Variants in ATP9A observed in about 807,000 individuals in gnomAD.
ATP9A encodes the protein probable phospholipid-transporting ATPase IIA.
In ATP9A, 52 loss-of-function variants were observed where a neutral mutation model predicts 144.1. The ratio of observed to expected loss-of-function variants is 0.36; its 90% confidence interval spans 0.29 to 0.45. The LOEUF is 0.45. ATP9A is among the 20% of genes least tolerant of loss of function. The pLI is 1.00. For missense variants in ATP9A, 947 were observed against 1,392.7 expected, an observed-to-expected ratio of 0.68 and a Z score of 5.09; for synonymous variants, 582 against 557.4, an observed-to-expected ratio of 1.04 and a Z score of -0.62.
intron 4 of ATP9A, among the ~76,000 whole-genome samples, chr20:51,712,304 G>A (rs2077642993): frequency 6.6e-6 from 1 of 152,056 alleles, no homozygotes; most frequent in South Asian, 2.1e-4. Context: ...TCGATCTCCG[G>A]ACCTTGTGAT....
chr20:51,729,774 T>C (rs1298665864), intron 2 of ATP9A, 60 bp downstream of exon 2: 5 of 1,485,022 alleles, frequency 3.4e-6, no homozygotes, highest in Middle Eastern at 1.8e-4. Context: ...ATAACATCTG[T>C]ACCAATGCAT....
chr20:51,650,693 G>C (rs1352461207), intron 14 of ATP9A, among the ~76,000 whole-genome samples: 3 of 152,124 alleles, frequency 2.0e-5, no homozygotes, highest in Non-Finnish European at 4.4e-5. Context: ...CAGGGAAGGA[G>C]AGCAACAGGC....
chr20:51,764,955 G>A (rs781436414), intron 1 of ATP9A, among the ~76,000 whole-genome samples: 1 of 151,978 alleles, frequency 6.6e-6, no homozygotes, highest in African/African-American at 2.4e-5. Context: ...TCCTGACCTC[G>A]AGTGATCCGC....
At chr20:51,765,716 G>T (rs2077901046) in intron 1 of ATP9A, among the ~76,000 whole-genome samples, 1 of 151,066 alleles carries the variant, frequency 6.6e-6, no homozygotes, top group Non-Finnish European at 1.5e-5. Flanking sequence ...AGCACTTTCG[G>T]AGGCCAAGGC....
intron 27 of ATP9A, among the ~76,000 whole-genome samples, chr20:51,602,213 C>T (rs1295435205): frequency 1.3e-5 from 2 of 152,086 alleles, no homozygotes; most frequent in Non-Finnish European, 2.9e-5. Context: ...ATTATAAACC[C>T]GGTTATGAGG....
At chr20:51,670,237 T>A in intron 12 of ATP9A, 128 bp from the exon 13 acceptor site, 2 of 685,634 alleles carry the variant, frequency 2.9e-6, no homozygotes, top group Non-Finnish European at 5.1e-6. Context: ...CTGTCCCTGC[T>A]GGGGAAGACA....
At chr20:51,766,430 T>C (rs1175806172) in intron 1 of ATP9A, among the ~76,000 whole-genome samples, 1 of 152,178 alleles carries the variant, frequency 6.6e-6, no homozygotes, top group Non-Finnish European at 1.5e-5. Context: ...ATGGCACAAA[T>C]TAATAACCAC....
At chr20:51,726,026 T>C (rs1003242203) in intron 2 of ATP9A, 94 bp from the exon 3 acceptor site, 10 of 798,944 alleles carry the variant, frequency 1.3e-5, no homozygotes, top group African/African-American at 1.2e-4. Context: ...CTAAAAACAT[T>C]CCTGCAGCCA....
At chr20:51,741,121 T>G (rs1446219757) in intron 1 of ATP9A, among the ~76,000 whole-genome samples, 1 of 150,702 alleles carries the variant, frequency 6.6e-6, no homozygotes. Context: ...CATAGCTACA[T>G]GTGACCACTA....
At chr20:51,621,365 C>T (rs932006473) in intron 19 of ATP9A, among the ~76,000 whole-genome samples, 2 of 152,004 alleles carry the variant, frequency 1.3e-5, no homozygotes, top group East Asian at 1.9e-4. Context: ...GGACCAAAGG[C>T]GGGGTGAGGG....
At chr20:51,637,699 G>T (rs1301929050) in intron 15 of ATP9A, among the ~76,000 whole-genome samples, 3 of 145,732 alleles carry the variant, frequency 2.1e-5, no homozygotes, top group East Asian at 2.0e-4. Flanking sequence ...TGTGCACTCT[G>T]TTTTTTTTTT....
intron 24 of ATP9A, among the ~76,000 whole-genome samples, 162 bp downstream of exon 24, chr20:51,609,939 T>A (rs758559390): frequency 1.3e-5 from 2 of 152,200 alleles, no homozygotes; most frequent in African/African-American, 4.8e-5. Flanking sequence ...ACCTTGTTAA[T>A]TGAAGGAGGT....
At chr20:51,727,019 C>A (rs62226705) in intron 2 of ATP9A, among the ~76,000 whole-genome samples, 2 of 147,798 alleles carry the variant, frequency 1.4e-5, no homozygotes, top group African/African-American at 5.0e-5. Flanking sequence ...TCCAGCCAGG[C>A]GCAGAGGCTC....
intron 17 of ATP9A, among the ~76,000 whole-genome samples, chr20:51,626,656 CAA>C (rs59299183): frequency 7.3e-6 from 1 of 136,264 alleles, no homozygotes; most frequent in Admixed American, 7.4e-5. Flanking sequence ...AATAAATGTG[CAA>C]AAAAAAAAAG....
chr20:51,702,088 A>G (rs1050351864), intron 4 of ATP9A, among the ~76,000 whole-genome samples: 6 of 152,034 alleles, frequency 3.9e-5, no homozygotes, highest in Admixed American at 1.3e-4. Context: ...TCATGAGGTC[A>G]GGCGTTCGAT....
At chr20:51,647,753 G>A (rs543459463) in intron 14 of ATP9A, among the ~76,000 whole-genome samples, 262 of 151,824 alleles carry the variant, frequency 1.7e-3, no homozygotes, top group African/African-American at 6.0e-3. Flanking sequence ...AAAAAAAAAA[G>A]AAATGACTAT....
At chr20:51,754,872 G>C (rs1306030043) in intron 1 of ATP9A, among the ~76,000 whole-genome samples, 1 of 151,858 alleles carries the variant, frequency 6.6e-6, no homozygotes, top group Admixed American at 6.6e-5. Flanking sequence ...CCAGCACTTT[G>C]GGAGGCCGAG....
chr20:51,720,923 C>G (rs535020111), intron 3 of ATP9A, among the ~76,000 whole-genome samples: 1 of 152,262 alleles, frequency 6.6e-6, no homozygotes, highest in East Asian at 1.9e-4. Context: ...TTAAGCATGC[C>G]ACCTGATACA....
chr20:51,622,311 C>G (rs991630449), intron 18 of ATP9A, 139 bp from the exon 19 acceptor site: 2 of 667,070 alleles, frequency 3.0e-6, no homozygotes, highest in African/African-American at 3.6e-5. Flanking sequence ...CTGTCCCCAA[C>G]ACAACACAGC....
Sources: allele counts gnomAD v4.1 joint callset (sites outside exome capture counted in the v4.1 genomes callset), GRCh38; gene constraint gnomAD v4.1.1; transcripts MANE v1.5; gene names NCBI Gene and HGNC (gene_info 2026-07-23, HGNC 2026-07-21).